The following ELAPOR1 variants were observed in gnomAD, a reference collection of about 807,000 sequenced individuals.
ELAPOR1 encodes endosome/lysosome-associated apoptosis and autophagy regulator 1.
A neutral mutation model predicts 119.7 loss-of-function variants in ELAPOR1; 77 were observed. The observed-to-expected ratio is 0.64, with a 90% CI of 0.54 to 0.78. The LOEUF (loss-of-function observed/expected upper bound fraction) is 0.78. Ranked by LOEUF, ELAPOR1 falls within the 30% of genes least tolerant of loss-of-function variation. The pLI is 0.00. For missense variants in ELAPOR1, 1,115 were observed against 1,270.4 expected, an observed-to-expected ratio of 0.88 and a Z score of 1.86; for synonymous variants, 481 against 487.2, an observed-to-expected ratio of 0.99 and a Z score of 0.17.
intron 7 of ELAPOR1, among the ~76,000 whole-genome samples, chr1:109,179,530 C>T (rs17033888): frequency 3.9e-5 from 6 of 151,962 alleles, no homozygotes; most frequent in South Asian, 2.1e-4. Context: ...AGAAGCAGGC[C>T]GGAAACAGAT....
intron 1 of ELAPOR1, among the ~76,000 whole-genome samples, chr1:109,154,353 G>A (rs954002956): frequency 5.3e-5 from 8 of 151,390 alleles, no homozygotes; most frequent in Admixed American, 1.3e-4. Flanking sequence ...ATCAGTACCC[G>A]TACAAAATAA....
intron 1 of ELAPOR1, among the ~76,000 whole-genome samples, chr1:109,147,389 A>G (rs760211537): frequency 4.6e-5 from 7 of 152,188 alleles, no homozygotes; most frequent in Admixed American, 1.3e-4. Context: ...CATTCTAGAA[A>G]AGGCAAAACT....
chr1:109,190,140 G>GCACA (rs144431690), intron 11 of ELAPOR1, among the ~76,000 whole-genome samples: 4 of 150,904 alleles, frequency 2.7e-5, no homozygotes, highest in Admixed American at 1.3e-4. Flanking sequence ...AAACAAACAC[G>GCACA]CACACACACA....
rs1332370048 is a variant in ELAPOR1 at position 109,177,347 on chromosome 1, G to C, written c.952+3510G>C. ...GGCTCCTCACTTCTCAGACCGGGCG[G>C]CTGCCGGGCGGAGGGGCTCCTCACT... On this transcript the variant is annotated intron_variant, in intron 7 of 21. Coordinates refer to ENST00000369939, the MANE Select transcript of ELAPOR1 (RefSeq NM_020775.5). Among the ~76,000 whole-genome samples the C allele has an allele frequency of 1.6e-5, 2 of 124,276 alleles. 1 individual carries two copies. Among genetic ancestry groups the C allele is most frequent in the Non-Finnish European group, 3.3e-5 (2 of 61,442 alleles). The allele number at this position is 124,276 out of a possible 152,430, so 81.5% of individuals were successfully genotyped here. A position where few individuals can be genotyped will look rare whatever the true frequency, so the allele number is the denominator to read the frequency against.
At chr1:109,182,255 G>A (rs1652741622) in intron 7 of ELAPOR1, among the ~76,000 whole-genome samples, 1 of 152,074 alleles carries the variant, frequency 6.6e-6, no homozygotes, top group Non-Finnish European at 1.5e-5. Context: ...ACTTGAACCC[G>A]AGAGGCGGAG....
At chr1:109,132,800 C>T (rs1649228892) in intron 1 of ELAPOR1, among the ~76,000 whole-genome samples, 1 of 152,150 alleles carries the variant, frequency 6.6e-6, no homozygotes, top group African/African-American at 2.4e-5. Context: ...GAGAGGAAGG[C>T]AAGGATCAAA....
At chr1:109,159,228 G>A (rs1378514430) in intron 1 of ELAPOR1, among the ~76,000 whole-genome samples, 2 of 152,120 alleles carry the variant, frequency 1.3e-5, no homozygotes, top group Admixed American at 6.6e-5. Flanking sequence ...ATCTCAAAGT[G>A]TAGTTCAGAT....
intron 15 of ELAPOR1, 50 bp from the exon 16 acceptor site, chr1:109,197,422 CCT>C (rs1279318164): frequency 1.0e-5 from 16 of 1,535,330 alleles, no homozygotes; most frequent in African/African-American, 1.4e-5. Context: ...TCTGGGAATT[CCT>C]CTGTGACCAC....
intron 1 of ELAPOR1, among the ~76,000 whole-genome samples, chr1:109,155,142 C>T (rs1161778870): frequency 6.6e-6 from 1 of 152,120 alleles, no homozygotes; most frequent in African/African-American, 2.4e-5. Context: ...GCCCTCAGTA[C>T]GTGCTTGTTG....
chr1:109,186,592 G>C, intron 8 of ELAPOR1: 2 of 985,432 alleles, frequency 2.0e-6, no homozygotes, highest in Non-Finnish European at 2.4e-6. Flanking sequence ...GAGAATGGCT[G>C]TGTCTTGTCA....
chr1:109,161,404 C>T (rs1216732679), intron 1 of ELAPOR1, among the ~76,000 whole-genome samples: 13 of 126,462 alleles, frequency 1.0e-4, no homozygotes, highest in African/African-American at 3.9e-4. Flanking sequence ...AGCGAGACTC[C>T]GTCTCAAAAA....
In ELAPOR1 at chr1:109,153,961, A is replaced by T. The variant is rs373408191; in HGVS notation, c.154-7933A>T. Among the ~76,000 whole-genome samples the T allele has an allele frequency of 1.1e-4, 17 of 152,136 alleles. No individual in the cohort carries two copies. In the South Asian group the frequency reaches 2.9e-3, roughly 26 times the overall value. On this transcript the variant is annotated intron_variant, in intron 1 of 21. Coordinates refer to ENST00000369939, the MANE Select transcript of ELAPOR1 (RefSeq NM_020775.5). ...GCATTTAACAGGTATTACTTTGATA[A>T]TTATTTTTAACTAAGATGTGCTATT...
At chr1:109,146,165 A>C (rs768559280) in intron 1 of ELAPOR1, among the ~76,000 whole-genome samples, 20 of 151,870 alleles carry the variant, frequency 1.3e-4, no homozygotes, top group Non-Finnish European at 1.8e-4. Flanking sequence ...TACACACACA[A>C]AAAAATTAGC....
chr1:109,124,926 GTCTC>G (rs1389492159), intron 1 of ELAPOR1, among the ~76,000 whole-genome samples: 1 of 151,848 alleles, frequency 6.6e-6, no homozygotes, highest in African/African-American at 2.4e-5. Flanking sequence ...CTTGTGTGTG[GTCTC>G]TCTTTTTTTT....
chr1:109,175,431 A>G (rs1429316521), intron 7 of ELAPOR1, among the ~76,000 whole-genome samples: 2 of 148,722 alleles, frequency 1.3e-5, no homozygotes, highest in East Asian at 4.2e-4. Context: ...CGAACTCCCA[A>G]CCTCAGGTGA....
chr1:109,175,070 G>A (rs1179472879), intron 7 of ELAPOR1, among the ~76,000 whole-genome samples: 1 of 152,114 alleles, frequency 6.6e-6, no homozygotes, highest in African/African-American at 2.4e-5. Flanking sequence ...GTGTTGCCCA[G>A]GCTGGTCTCG....
chr1:109,150,613 G>A (rs967056505), intron 1 of ELAPOR1, among the ~76,000 whole-genome samples: 10 of 152,178 alleles, frequency 6.6e-5, no homozygotes, highest in Admixed American at 1.3e-4. Context: ...TTAGCAACTC[G>A]TTCAAGTCAA....
At chr1:109,176,010 C>G (rs1399487308) in intron 7 of ELAPOR1, among the ~76,000 whole-genome samples, 1 of 152,068 alleles carries the variant, frequency 6.6e-6, no homozygotes. Flanking sequence ...AATCTTTTAT[C>G]AACCTGAGAG....
intron 15 of ELAPOR1, among the ~76,000 whole-genome samples, chr1:109,196,129 C>T (rs942576710): frequency 1.3e-5 from 2 of 152,092 alleles, no homozygotes; most frequent in Non-Finnish European, 2.9e-5. Context: ...GCACTCCAGC[C>T]TGGACAACAC....
Sources: allele counts gnomAD v4.1 joint callset (sites outside exome capture counted in the v4.1 genomes callset), GRCh38; gene constraint gnomAD v4.1.1; transcripts MANE v1.5; gene names NCBI Gene and HGNC (gene_info 2026-07-23, HGNC 2026-07-21).